PLCB4: variants seen among roughly 807,000 people sequenced by gnomAD.
PLCB4 encodes the protein phospholipase C beta 4, also known as 1-phosphatidylinositol 4,5-bisphosphate phosphodiesterase beta-4.
PLCB4 carries 77 observed loss-of-function variants against 178.8 expected under a neutral mutation model. The ratio of observed to expected loss-of-function variants is 0.43; its 90% CI spans 0.36 to 0.52. The LOEUF (loss-of-function observed/expected upper bound fraction) is 0.52, where lower values mean the gene tolerates loss of function less well. Ranked by LOEUF, PLCB4 falls within the 20% of genes least tolerant of loss-of-function variation. The probability of loss-of-function intolerance (pLI) is 0.00; values close to 1 mark genes in which losing one functional copy is unlikely to be tolerated. For missense variants in PLCB4, 1,024 were observed against 1,453.4 expected (o/e 0.70, Z 4.80); for synonymous variants, 496 against 490.8 (o/e 1.01, Z -0.14).
At chr20:9,201,760 G>C (rs1178088941) in intron 2 of PLCB4, among the ~76,000 whole-genome samples, 1 of 152,150 alleles carries the variant, frequency 6.6e-6, no homozygotes, top group Non-Finnish European at 1.5e-5. Context: ...AAAATGCAGA[G>C]TATCTGGGAT....
At position 9,393,466 on chromosome 20, in the gene PLCB4, G is replaced by A. The variant is rs552300336; in HGVS notation, c.1324-122G>A. ...GGGAGTGAAAACAGAAGGCTGTGCC[G>A]CCTGCCATCTAGTGGGTGTTGGGTT... On this transcript the variant is annotated intron_variant, in intron 17 of 39. Coordinates refer to ENST00000378473, the MANE Select transcript of PLCB4 (RefSeq NM_001377142.1). 5.6e-5 allele frequency: 35 copies of A among 623,470 alleles called. 1 individual carries two copies. Among genetic ancestry groups the A allele is most frequent in the Admixed American group, 2.3e-4 (8 of 34,586 alleles). The allele number at this position is 623,470 out of a possible 1,614,324, so 38.6% of individuals were successfully genotyped here.
intron 2 of PLCB4, among the ~76,000 whole-genome samples, chr20:9,192,237 G>A (rs769737688): frequency 2.0e-5 from 3 of 152,138 alleles, no homozygotes; most frequent in Non-Finnish European, 4.4e-5. Flanking sequence ...GATATGAGCC[G>A]AACTGCTCTG....
At chr20:9,283,093 A>G (rs1014095580) in intron 3 of PLCB4, among the ~76,000 whole-genome samples, 1 of 151,934 alleles carries the variant, frequency 6.6e-6, no homozygotes, top group Non-Finnish European at 1.5e-5. Context: ...GGAGGGGAAG[A>G]CTTTCTGGTC....
At chr20:9,384,580 T>G (rs1429371839) in intron 14 of PLCB4, among the ~76,000 whole-genome samples, 169 bp downstream of exon 14, 1 of 152,202 alleles carries the variant, frequency 6.6e-6, no homozygotes, top group Non-Finnish European at 1.5e-5. Context: ...ACAGTATCTC[T>G]TTCGGAAAAA....
intron 35 of PLCB4, 75 bp from the exon 36 acceptor site, chr20:9,468,496 G>C: frequency 1.1e-6 from 1 of 871,178 alleles, no homozygotes; most frequent in Non-Finnish European, 1.9e-6. Flanking sequence ...ATTTTCCCCA[G>C]GTGAATCTCT....
At chr20:9,431,650 T>TTG (rs3037096) in intron 28 of PLCB4, among the ~76,000 whole-genome samples, 8,535 of 144,174 alleles carry the variant, frequency 0.059, 314 homozygotes, top group East Asian at 0.21. Context: ...GTGTGTGTGT[T>TTG]TGTGTGTGTG....
rs765115408 is a variant in PLCB4, at chr20:9,421,480, G to A, written c.2319+19G>A. ...TCGGAAGGTAGGACATTTTCAGCAC[G>A]TCAAACTTACTCTAATAACTTGGGA... On this transcript the variant is annotated intron_variant, in intron 27 of 39. Transcript: ENST00000378473. 9.4e-5 allele frequency: 150 copies of A among 1,603,212 alleles called. No homozygotes were observed. The highest frequency in any genetic ancestry group is 3.8e-4 in the Middle Eastern group (2 of 5,318).
At chr20:9,374,910 G>C (rs182292173) in intron 12 of PLCB4, among the ~76,000 whole-genome samples, 27 of 152,132 alleles carry the variant, frequency 1.8e-4, no homozygotes, top group African/African-American at 6.5e-4. Context: ...CACAATTACA[G>C]TAGACAATAG....
intron 2 of PLCB4, among the ~76,000 whole-genome samples, chr20:9,148,404 C>T (rs1367136593): frequency 6.6e-6 from 1 of 152,074 alleles, no homozygotes; most frequent in Non-Finnish European, 1.5e-5. Context: ...GTAGTCATGC[C>T]TTGTTAGATG....
intron 25 of PLCB4, among the ~76,000 whole-genome samples, chr20:9,413,939 A>T (rs2040059041): frequency 6.6e-6 from 1 of 152,044 alleles, no homozygotes. Flanking sequence ...ATTTGTACAG[A>T]TGGGGTTTCA....
At chr20:9,078,126 G>A (rs961322997) in intron 1 of PLCB4, among the ~76,000 whole-genome samples, 5 of 151,746 alleles carry the variant, frequency 3.3e-5, no homozygotes, top group Admixed American at 2.0e-4. Context: ...GACCAGAGGC[G>A]CACACTAGCA....
chr20:9,206,385 TAGGC>T (rs2093616057), intron 2 of PLCB4, among the ~76,000 whole-genome samples: 2 of 150,912 alleles, frequency 1.3e-5, no homozygotes, highest in South Asian at 4.2e-4. Flanking sequence ...TTCATCAGGT[TAGGC>T]AGCAGAGGGG....
rs2122727007 is a variant in PLCB4 at position 9,476,746 on chromosome 20, A to G, written c.3525A>G (p.Gln1175=). 6.2e-7 allele frequency: 1 copy of G among 1,609,436 alleles called. No homozygotes were observed. Among genetic ancestry groups the G allele is most frequent in the East Asian group, 2.2e-5 (1 of 44,840 alleles). The change falls in exon 39 of 40, where the codon CAA becomes CAG. Residue 1175 remains glutamine (Q), a synonymous_variant. Coordinates refer to ENST00000378473, the MANE Select transcript of PLCB4 (RefSeq NM_001377142.1). ...TGAAATCCTGTCATGCAGTGTCCCA[A>G]ACGCAAGGTAGGACCGAAACTCTGA... ...QLLKSCHAVS[Q]TQGEGDAADG... is the part of the protein sequence containing the mutation.
chr20:9,321,173 T>A (rs1344415164), intron 4 of PLCB4, among the ~76,000 whole-genome samples: 4 of 152,162 alleles, frequency 2.6e-5, no homozygotes, highest in Non-Finnish European at 4.4e-5. Flanking sequence ...CTTTAAACCC[T>A]CAGGTGGTGG....
At chr20:9,400,585 C>G (rs542303334) in intron 19 of PLCB4, among the ~76,000 whole-genome samples, 1 of 152,078 alleles carries the variant, frequency 6.6e-6, no homozygotes, top group Non-Finnish European at 1.5e-5. Flanking sequence ...CCCTCATGCC[C>G]TGTGGTGTGA....
intron 13 of PLCB4, 55 bp from the exon 14 acceptor site, chr20:9,384,146 T>C: frequency 7.8e-7 from 1 of 1,279,658 alleles, no homozygotes; most frequent in Non-Finnish European, 1.1e-6. Context: ...GAATAAAACA[T>C]GAGATATGCA....
At chr20:9,221,329 A>G (rs1315285599) in intron 3 of PLCB4, among the ~76,000 whole-genome samples, 4 of 152,182 alleles carry the variant, frequency 2.6e-5, no homozygotes, top group Admixed American at 2.0e-4. Flanking sequence ...TAAACTTCCA[A>G]GCACCTCTGC....
intron 18 of PLCB4, among the ~76,000 whole-genome samples, chr20:9,393,969 A>G (rs1026719308): frequency 1.2e-4 from 18 of 152,224 alleles, no homozygotes; most frequent in African/African-American, 4.3e-4. Context: ...TTCTCAAGAT[A>G]TAAGGAACCA....
Position 9,076,123 on chromosome 20 carries a change from G to A in PLCB4, c.-135+6917G>A, listed in dbSNP as rs562631920. ...AAGCTGTTGGCAAATACACAAAGTTGAGGGGGGAAGGGCATGTTTTTTCCT... is the reference window on the plus strand; with the variant it reads ...AAGCTGTTGGCAAATACACAAAGTTAAGGGGGGAAGGGCATGTTTTTTCCT... On this transcript the variant is annotated intron_variant, in intron 1 of 39. Transcript: ENST00000378473. Among the ~76,000 whole-genome samples the A allele has an allele frequency of 9.2e-5, 14 of 152,142 alleles. 1 individual carries two copies. The highest frequency in any genetic ancestry group is 4.6e-4 in the Admixed American group (7 of 15,290).
Sources: gnomAD v4.1 joint callset for allele counts (sites outside exome capture counted in the v4.1 genomes callset) on GRCh38, gnomAD v4.1.1 for gene constraint, MANE v1.5 for transcripts, NCBI Gene and HGNC (gene_info 2026-07-23, HGNC 2026-07-21) for gene names.